Variants in EXOC4 observed in about 807,000 individuals in gnomAD.
EXOC4 encodes SEC8-like 1.
In EXOC4, 71 loss-of-function variants were observed where a neutral mutation model predicts 107.2. The observed-to-expected ratio is 0.66, with a 90% CI of 0.55 to 0.81. The LOEUF is 0.81. Among genes scored for constraint, EXOC4 ranks in the 30% least tolerant of loss-of-function variants. The pLI is 0.00. For missense variants in EXOC4, 1,108 were observed against 1,189.6 expected (o/e 0.93, Z 1.01); for synonymous variants, 456 against 441.2 (o/e 1.03, Z -0.42).
chr7:133,364,272 A>G (rs1584854606), intron 6 of EXOC4, among the ~76,000 whole-genome samples: 1 of 151,712 alleles, frequency 6.6e-6, no homozygotes, highest in East Asian at 1.9e-4. Flanking sequence ...TTGGGACTAC[A>G]GTTATATGAC....
chr7:134,081,823 T>C, the EXOC4 span, among the ~76,000 whole-genome samples: 3 of 152,052 alleles, frequency 2.0e-5, no homozygotes, highest in South Asian at 2.1e-4. Flanking sequence ...AAGGAGGTGA[T>C]GATAAACTTG....
intron 10 of EXOC4, among the ~76,000 whole-genome samples, chr7:133,807,021 C>T (rs1797092522): frequency 1.3e-5 from 2 of 152,154 alleles, no homozygotes; most frequent in South Asian, 2.1e-4. Context: ...GCTCTGCATC[C>T]ACAACCAAAT....
At chr7:133,870,338 T>C (rs1798726366) in intron 11 of EXOC4, among the ~76,000 whole-genome samples, 1 of 152,214 alleles carries the variant, frequency 6.6e-6, no homozygotes, top group Admixed American at 6.5e-5. Context: ...GGAAAATTCT[T>C]CCTGAGTATG....
At chr7:133,793,304 G>A (rs374961007) in intron 10 of EXOC4, among the ~76,000 whole-genome samples, 13 of 151,954 alleles carry the variant, frequency 8.6e-5, no homozygotes, top group African/African-American at 1.7e-4. Flanking sequence ...AAGTTTGGGG[G>A]GCTACAGCTA....
At chr7:133,323,749 C>G (rs1453080144) in intron 5 of EXOC4, among the ~76,000 whole-genome samples, 2 of 152,174 alleles carry the variant, frequency 1.3e-5, no homozygotes, top group Non-Finnish European at 1.5e-5. Flanking sequence ...AGGATTCCCT[C>G]TTTTTCTGTT....
At chr7:134,073,685 A>C in the EXOC4 span, among the ~76,000 whole-genome samples, 1 of 152,012 alleles carries the variant, frequency 6.6e-6, no homozygotes, top group African/African-American at 2.4e-5. Context: ...TAATTTTTAA[A>C]AATCAAATCT....
At chr7:133,394,275 A>G (rs1027157479) in intron 7 of EXOC4, among the ~76,000 whole-genome samples, 1 of 152,210 alleles carries the variant, frequency 6.6e-6, no homozygotes, top group African/African-American at 2.4e-5. Context: ...TATTCTTTGA[A>G]AACGATTTAA....
chr7:133,963,378 T>C (rs1430117428), intron 14 of EXOC4, among the ~76,000 whole-genome samples: 1 of 152,238 alleles, frequency 6.6e-6, no homozygotes, highest in Non-Finnish European at 1.5e-5. Flanking sequence ...GCATAAGTAC[T>C]GTTGTAATAC....
chr7:133,816,614 C>A (rs1372846536), intron 10 of EXOC4, among the ~76,000 whole-genome samples: 1 of 152,110 alleles, frequency 6.6e-6, no homozygotes, highest in Admixed American at 6.5e-5. Flanking sequence ...AAGCAGCAAT[C>A]CCCAACCTTT....
At chr7:133,449,477 T>TTAAG in intron 7 of EXOC4, among the ~76,000 whole-genome samples, 1 of 152,232 alleles carries the variant, frequency 6.6e-6, no homozygotes, top group Non-Finnish European at 1.5e-5. Context: ...TGAGCTTTCT[T>TTAAG]AAATGCAAGG....
the EXOC4 span, among the ~76,000 whole-genome samples, chr7:134,078,461 C>T: frequency 6.6e-6 from 1 of 152,098 alleles, no homozygotes; most frequent in Non-Finnish European, 1.5e-5. Context: ...CTCACTGGAC[C>T]AGCCCCTTTT....
intron 10 of EXOC4, among the ~76,000 whole-genome samples, chr7:133,728,016 C>CT (rs1259990351): frequency 6.6e-6 from 1 of 152,174 alleles, no homozygotes; most frequent in African/African-American, 2.4e-5. Flanking sequence ...TCATTGCCGA[C>CT]TTGGCAGTTT....
intron 3 of EXOC4, among the ~76,000 whole-genome samples, chr7:133,290,546 TA>T (rs1794381355): frequency 6.6e-6 from 1 of 152,244 alleles, no homozygotes; most frequent in African/African-American, 2.4e-5. Flanking sequence ...AATATACATC[TA>T]TTTGAATCAT....
chr7:133,276,102 T>C (rs536247652), intron 2 of EXOC4, among the ~76,000 whole-genome samples: 1 of 152,248 alleles, frequency 6.6e-6, no homozygotes, highest in East Asian at 1.9e-4. Flanking sequence ...TTCCTTCCTT[T>C]CTTCCTTCCC....
At chr7:133,977,270 G>C (rs571308402) in intron 14 of EXOC4, among the ~76,000 whole-genome samples, 1 of 152,242 alleles carries the variant, frequency 6.6e-6, no homozygotes, top group South Asian at 2.1e-4. Context: ...AAGTTAAAAA[G>C]TAAAATAGTC....
At chr7:133,842,441 A>G (rs558596797) in intron 11 of EXOC4, among the ~76,000 whole-genome samples, 1 of 152,310 alleles carries the variant, frequency 6.6e-6, no homozygotes, top group African/African-American at 2.4e-5. Context: ...GGCCACATGT[A>G]TGTGTACTTT....
chr7:133,939,651 C>A (rs1372232107), intron 14 of EXOC4, among the ~76,000 whole-genome samples: 7 of 152,176 alleles, frequency 4.6e-5, no homozygotes, highest in African/African-American at 1.7e-4. Flanking sequence ...CATGCACCAC[C>A]ATGCCCAACT....
intron 14 of EXOC4, among the ~76,000 whole-genome samples, chr7:133,953,304 T>G (rs1800735680): frequency 1.3e-5 from 2 of 152,082 alleles, no homozygotes. Context: ...ATAAAAAATT[T>G]GGCCAGGCGG....
Position 133,356,436 on chromosome 7 carries a change from G to T in EXOC4, c.870G>T (p.Lys290Asn). The part of the protein sequence containing the change: ...GILIKGLAKL[K>N]KIPETVKAII... The stretch of plus-strand genomic sequence containing the variant: ...TCATTAAGGGCTTGGCGAAACTGAA[G>T]AAGATCCCAGAAACAGTTAAGGCAA... The change falls in exon 6 of 18, where the codon AAG becomes AAT. Residue 290 changes from lysine (K) to asparagine (N), a missense_variant. Lys to Asn is a moderately conservative substitution (Grantham distance 94, BLOSUM62 0). Transcript: ENST00000253861. The T allele has an allele frequency of 6.2e-7, 1 of 1,614,158 alleles. No homozygotes were observed.
Sources: gnomAD v4.1 joint callset for allele counts (sites outside exome capture counted in the v4.1 genomes callset) on GRCh38, gnomAD v4.1.1 for gene constraint, MANE v1.5 for transcripts, NCBI Gene and HGNC (gene_info 2026-07-23, HGNC 2026-07-21) for gene names.